Variants in TBL1X observed in about 807,000 individuals in gnomAD.
The protein encoded by TBL1X is transducin beta like 1 X-linked, also known as F-box-like/WD repeat-containing protein TBL1X.
Under a neutral mutation model 50.7 loss-of-function variants are expected in TBL1X, and 10 were observed. The ratio of observed to expected loss-of-function variants is 0.20; its 90% CI spans 0.12 to 0.33. The LOEUF (loss-of-function observed/expected upper bound fraction) is 0.33, where lower values mean the gene tolerates loss of function less well. Ranked by LOEUF, TBL1X falls within the 10% of genes least tolerant of loss-of-function variation. The probability of loss-of-function intolerance (pLI) is 1.00; values close to 1 mark genes in which losing one functional copy is unlikely to be tolerated. For missense variants in TBL1X, 340 were observed against 504.4 expected (o/e 0.67, Z 3.12); for synonymous variants, 190 against 214.7 (o/e 0.88, Z 1.01).
At chrX:9,612,931 A>G (rs1299727402) in intron 2 of TBL1X, among the ~76,000 whole-genome samples, 1 of 110,272 alleles carries the variant, frequency 9.1e-6, no homozygotes, top group Non-Finnish European at 1.9e-5. Flanking sequence ...TATCTGGTAT[A>G]TAACAGTTAA....
intron 5 of TBL1X, among the ~76,000 whole-genome samples, chrX:9,667,874 A>G (rs764800842): frequency 3.0e-4 from 33 of 111,822 alleles, no homozygotes; most frequent in African/African-American, 1.0e-3. Flanking sequence ...CTGGGATTCT[A>G]TTTTGTAATA....
At chrX:9,516,317 T>C (rs1280042593) in intron 2 of TBL1X, among the ~76,000 whole-genome samples, 1 of 111,964 alleles carries the variant, frequency 8.9e-6, no homozygotes, top group Non-Finnish European at 1.9e-5. Context: ...GCCCACTTCC[T>C]TCTCCAAAAT....
chrX:9,703,629 G>T (rs747252406), intron 12 of TBL1X, among the ~76,000 whole-genome samples: 9 of 111,951 alleles, frequency 8.0e-5, no homozygotes, highest in Non-Finnish European at 1.7e-4. Flanking sequence ...TGCTTCCCCA[G>T]AAGCAGAAGA....
chrX:9,470,668 G>T (rs1350184582), intron 1 of TBL1X, among the ~76,000 whole-genome samples: 2 of 111,339 alleles, frequency 1.8e-5, no homozygotes, highest in African/African-American at 3.3e-5. Flanking sequence ...GAATTTCATT[G>T]GTGTTTCCCA....
intron 16 of TBL1X, among the ~76,000 whole-genome samples, chrX:9,713,673 C>T (rs1420298235): frequency 2.7e-5 from 3 of 110,967 alleles, no homozygotes; most frequent in Non-Finnish European, 5.7e-5. Flanking sequence ...GGCAATCTAC[C>T]CACCTCGGCC....
chrX:9,626,458 T>C (rs776518370), intron 2 of TBL1X, among the ~76,000 whole-genome samples: 1 of 112,407 alleles, frequency 8.9e-6, no homozygotes, highest in Non-Finnish European at 1.9e-5. Context: ...TGACACTCCA[T>C]GCAGTGTACT....
intron 1 of TBL1X, among the ~76,000 whole-genome samples, chrX:9,498,550 A>G (rs1305719766): frequency 8.9e-6 from 1 of 112,747 alleles, no homozygotes; most frequent in Non-Finnish European, 1.9e-5. Context: ...TGAGCCCTAG[A>G]GGGCTGAGCT....
At chrX:9,601,793 G>A (rs1024015805) in intron 2 of TBL1X, among the ~76,000 whole-genome samples, 4 of 112,039 alleles carry the variant, frequency 3.6e-5, no homozygotes, top group Non-Finnish European at 7.5e-5. Flanking sequence ...GCTCACACCT[G>A]TAGTCCCAGC....
chrX:9,572,447 G>A (rs2082390945), intron 2 of TBL1X, among the ~76,000 whole-genome samples: 1 of 112,655 alleles, frequency 8.9e-6, no homozygotes, highest in African/African-American at 3.2e-5. Flanking sequence ...CTTTCAATCC[G>A]TGTGTATAAA....
Position 9,718,719 on chromosome X carries a change from A to G in TBL1X, c.*2473A>G, listed in dbSNP as rs188411308. On this transcript the variant is annotated 3_prime_UTR_variant, in exon 18 of 18. Transcript: ENST00000645353. ...TGTGTCGCAAGCAATTCACTAGACAATCTTCACATGAATGTCGGTAGCCAG... is the reference window on the plus strand; with the variant it reads ...TGTGTCGCAAGCAATTCACTAGACAGTCTTCACATGAATGTCGGTAGCCAG... 4.9e-4 allele frequency: 55 copies of G among 112,060 alleles called. No individual in the cohort carries two copies. The highest frequency in any genetic ancestry group is 1.5e-3 in the African/African-American group (47 of 30,854). 9.2% of individuals were successfully genotyped at this position (112,060 alleles called of 1,213,427 possible). A position where few individuals can be genotyped will look rare whatever the true frequency, so the allele number is the denominator to read the frequency against.
At chrX:9,600,067 A>G (rs1244088427) in intron 2 of TBL1X, among the ~76,000 whole-genome samples, 1 of 112,019 alleles carries the variant, frequency 8.9e-6, no homozygotes, top group Non-Finnish European at 1.9e-5. Context: ...CAGTTGGATC[A>G]GTAACACTCG....
chrX:9,636,928 A>G (rs980445670), intron 2 of TBL1X: 7 of 112,422 alleles, frequency 6.2e-5, no homozygotes, highest in Non-Finnish European at 1.3e-4. Context: ...AGTTTGGACA[A>G]CATTTGGCTG....
intron 2 of TBL1X, among the ~76,000 whole-genome samples, chrX:9,551,303 G>A (rs975235342): frequency 3.7e-5 from 4 of 109,115 alleles, no homozygotes; most frequent in African/African-American, 1.0e-4. Flanking sequence ...TGGAGGAATG[G>A]TGCCGCCTGG....
chrX:9,687,933 G>A (rs1236895981), intron 6 of TBL1X, 84 bp from the exon 7 acceptor site: 14 of 1,133,794 alleles, frequency 1.2e-5, no homozygotes, highest in Admixed American at 6.0e-5. Context: ...ACTTCCCTGC[G>A]CTTCTCCTGC....
chrX:9,715,108 C>T, intron 17 of TBL1X, 105 bp downstream of exon 17: 1 of 795,721 alleles, frequency 1.3e-6, no homozygotes, highest in South Asian at 2.4e-5. Context: ...AGGGCCTAGC[C>T]CAGTGCCAAA....
At chrX:9,639,375 G>T (rs755706779) in intron 2 of TBL1X, among the ~76,000 whole-genome samples, 1 of 111,361 alleles carries the variant, frequency 9.0e-6, no homozygotes, top group Non-Finnish European at 1.9e-5. Context: ...AGAGAAAATG[G>T]TGGACATTTA....
In TBL1X at chrX:9,544,133, A is replaced by G. The variant is rs142872735; in HGVS notation, c.-131+42284A>G. On this transcript the variant is annotated intron_variant, in intron 2 of 17. Transcript: ENST00000645353. ...CCAAGAAATGTGTGTAAATGCTGTT[A>G]TGAATTAATTTAAAGGTATTCCAAA... Among the ~76,000 whole-genome samples the G allele has an allele frequency of 4.1e-3, 454 of 112,045 alleles. 10 individuals carry two copies. The highest frequency in any genetic ancestry group is 0.038 in the Admixed American group (399 of 10,608).
chrX:9,714,632 G>A (rs922319373), intron 16 of TBL1X, among the ~76,000 whole-genome samples: 5 of 112,178 alleles, frequency 4.5e-5, no homozygotes, highest in Admixed American at 9.4e-5. Flanking sequence ...ATGGTCTCCC[G>A]CCTCCATCAG....
rs1015136162 is a variant in TBL1X at position 9,555,892 on chromosome X, T to G, written c.-131+54043T>G. Among the ~76,000 whole-genome samples, 3 of 111,029 alleles carry G rather than the reference T, an allele frequency of 2.7e-5. No individual in the cohort carries two copies. The South Asian group carries it at 1.1e-3, about 42-fold the overall frequency. The stretch of plus-strand genomic sequence containing the variant: ...AGATTGGTTGGAGTGGATGGGAGAA[T>G]AAAGAAATGAATGGGTTGGGTGCAG... On this transcript the variant is annotated intron_variant, in intron 2 of 17. Coordinates refer to ENST00000645353, the MANE Select transcript of TBL1X (RefSeq NM_005647.4).
Sources: gnomAD v4.1 joint callset for allele counts (sites outside exome capture counted in the v4.1 genomes callset) on GRCh38, gnomAD v4.1.1 for gene constraint, MANE v1.5 for transcripts, NCBI Gene and HGNC (gene_info 2026-07-23, HGNC 2026-07-21) for gene names.